The following POM121C variants were observed in gnomAD, a reference collection of about 807,000 sequenced individuals.
POM121C encodes nuclear envelope pore membrane protein POM 121C.
POM121C carries 20 observed loss-of-function variants against 66.4 expected under a neutral mutation model. The ratio of observed to expected loss-of-function variants is 0.30; its 90% CI spans 0.21 to 0.44. The LOEUF (loss-of-function observed/expected upper bound fraction) is 0.44, where lower values mean the gene tolerates loss of function less well. Ranked by LOEUF, POM121C falls within the 20% of genes least tolerant of loss-of-function variation. POM121C has a pLI of 1.00. For synonymous variants in POM121C, 286 were observed against 528.0 expected (o/e 0.54, Z 6.28); for missense variants, 580 against 1,225.7 (o/e 0.47, Z 7.87).
chr7:75,474,617 G>C (rs1792006133), intron 3 of POM121C, 87 bp downstream of exon 3: 1 of 522,088 alleles, frequency 1.9e-6, no homozygotes, highest in African/African-American at 2.0e-5. Flanking sequence ...TGTTACTGAG[G>C]GTACCGAATA....
intron 6 of POM121C, among the ~76,000 whole-genome samples, chr7:75,438,687 G>C (rs1274398630): frequency 2.6e-5 from 4 of 152,206 alleles, no homozygotes; most frequent in Admixed American, 2.6e-4. Context: ...GAGCACTTTA[G>C]CTTTCCTGGT....
chr7:75,434,582 CTTTTT>C (rs34484961), intron 7 of POM121C, among the ~76,000 whole-genome samples: 1 of 99,000 alleles, frequency 1.0e-5, no homozygotes, highest in Admixed American at 1.1e-4. Context: ...GCTCAGCTAG[CTTTTT>C]TTTTTTTTTT....
In POM121C at chr7:75,421,999, C is replaced by G; in HGVS notation, c.2253G>C (p.Thr751=). The G allele has an allele frequency of 1.2e-6, 2 of 1,613,886 alleles. No homozygotes were observed. The highest frequency in any genetic ancestry group is 1.7e-6 in the Non-Finnish European group (2 of 1,179,856). ...ATAPTPAPAS[T]IKIVPAHVPT... ...GCACGTGCGCAGGCACGATCTTGAT[C>G]GTGGACGCAGGTGCAGGTGTGGGTG... The change falls in exon 13 of 15, where the codon ACG becomes ACC. Residue 751 remains threonine (T), a synonymous_variant. Transcript: ENST00000615331.
At chr7:75,467,939 G>A (rs1791725606) in intron 3 of POM121C, among the ~76,000 whole-genome samples, 2 of 151,938 alleles carry the variant, frequency 1.3e-5, no homozygotes, top group South Asian at 4.2e-4. Context: ...AGACCAGCCT[G>A]ACCAACATGA....
intron 3 of POM121C, chr7:75,442,700 G>C: frequency 7.2e-7 from 1 of 1,393,618 alleles, no homozygotes; most frequent in Non-Finnish European, 9.3e-7. Context: ...TGCTCCAGCC[G>C]CCGCAGCCGC....
At chr7:75,470,025 G>T (rs1240303615) in intron 3 of POM121C, among the ~76,000 whole-genome samples, 6 of 152,136 alleles carry the variant, frequency 3.9e-5, no homozygotes, top group Non-Finnish European at 8.8e-5. Flanking sequence ...GGAGTACAGT[G>T]GCACAATCTC....
chr7:75,438,555 T>C (rs1179199341), intron 6 of POM121C, among the ~76,000 whole-genome samples: 5 of 152,224 alleles, frequency 3.3e-5, no homozygotes, highest in African/African-American at 1.2e-4. Context: ...TCCGTTTGTG[T>C]ACATCCTCCC....
At chr7:75,421,420 C>T in intron 13 of POM121C, 89 bp downstream of exon 13, 1 of 1,583,766 alleles carries the variant, frequency 6.3e-7, no homozygotes. Context: ...CTCTTCACTG[C>T]CACAGCATAA....
intron 6 of POM121C, 33 bp from the exon 7 acceptor site, chr7:75,437,719 T>A: frequency 1.3e-6 from 2 of 1,549,992 alleles, no homozygotes; most frequent in Non-Finnish European, 1.8e-6. Context: ...GATGCTTTAT[T>A]GAAGGCAACA....
At chr7:75,440,791 C>T in intron 5 of POM121C, 163 bp downstream of exon 5, 2 of 1,214,150 alleles carry the variant, frequency 1.6e-6, no homozygotes, top group South Asian at 1.4e-5. Context: ...AAATGAACAG[C>T]ATTAAAACCC....
At chr7:75,473,970 T>G (rs1472433534) in intron 3 of POM121C, among the ~76,000 whole-genome samples, 25 of 152,246 alleles carry the variant, frequency 1.6e-4, no homozygotes, top group East Asian at 7.7e-4. Context: ...TTACAGGCGT[T>G]AGCCACCGCG....
At chr7:75,457,717 CAG>C (rs1212506798) in intron 3 of POM121C, among the ~76,000 whole-genome samples, 1 of 152,106 alleles carries the variant, frequency 6.6e-6, no homozygotes. Context: ...CTCTCAAAGA[CAG>C]TGAGGAGCTA....
At chr7:75,483,376 T>C (rs1203065067) in intron 1 of POM121C, among the ~76,000 whole-genome samples, 3 of 152,182 alleles carry the variant, frequency 2.0e-5, no homozygotes, top group Non-Finnish European at 2.9e-5. Flanking sequence ...GATGGTGATA[T>C]GGTTTCGGTG....
At chr7:75,428,145 CTTTTT>C (rs1286372414) in intron 7 of POM121C, among the ~76,000 whole-genome samples, 1 of 146,330 alleles carries the variant, frequency 6.8e-6, no homozygotes, top group African/African-American at 2.5e-5. Context: ...ACCTGTGGAA[CTTTTT>C]TTTTTTTTGA....
At chr7:75,462,003 C>A (rs1400609538) in intron 3 of POM121C, among the ~76,000 whole-genome samples, 1 of 146,828 alleles carries the variant, frequency 6.8e-6, no homozygotes, top group African/African-American at 2.6e-5. Flanking sequence ...ATAAACCAAG[C>A]AAAACTGTCT....
At chr7:75,475,785 T>C (rs1205455590) in intron 1 of POM121C, among the ~76,000 whole-genome samples, 1 of 152,008 alleles carries the variant, frequency 6.6e-6, no homozygotes, top group Non-Finnish European at 1.5e-5. Flanking sequence ...AAAGCTGTTA[T>C]TAGAGTAATG....
intron 7 of POM121C, among the ~76,000 whole-genome samples, chr7:75,431,350 T>C (rs372677186): frequency 6.6e-6 from 1 of 152,024 alleles, no homozygotes; most frequent in Non-Finnish European, 1.5e-5. Flanking sequence ...ACGCCTGTAA[T>C]CCCAGCACTT....
At chr7:75,428,084 T>C (rs587667185) in intron 7 of POM121C, among the ~76,000 whole-genome samples, 1 of 152,020 alleles carries the variant, frequency 6.6e-6, no homozygotes, top group South Asian at 2.1e-4. Context: ...TTTCAATCAC[T>C]TCAGATCCCT....
rs587623031 is a variant in POM121C at position 75,431,790 on chromosome 7, A to G, written c.481-5337T>C. ...ACATGGTAAAACTCCATCTCTATTA[A>G]AAGTTTTAAAATGTAGCTCAGTGTG... On this transcript the variant is annotated intron_variant, in intron 7 of 14. Coordinates refer to ENST00000615331, the MANE Select transcript of POM121C (RefSeq NM_001099415.3). 9.9e-5 allele frequency among the ~76,000 whole-genome samples: 15 copies of G among 151,352 alleles called. No homozygotes were observed. In the South Asian group the frequency reaches 3.1e-3, roughly 32 times the overall value.
Sources: gnomAD v4.1 joint callset for allele counts (sites outside exome capture counted in the v4.1 genomes callset) on GRCh38, gnomAD v4.1.1 for gene constraint, MANE v1.5 for transcripts, NCBI Gene and HGNC (gene_info 2026-07-23, HGNC 2026-07-21) for gene names.